The following PODXL variants were observed in gnomAD, a reference collection of about 807,000 sequenced individuals.
PODXL encodes the protein podocalyxin like, also known as podocalyxin.
PODXL carries 20 observed loss-of-function variants against 48.9 expected under a neutral mutation model. The observed-to-expected ratio is 0.41, with a 90% CI of 0.29 to 0.59. PODXL has a LOEUF of 0.59. Ranked by LOEUF, PODXL falls within the 20% of genes least tolerant of loss-of-function variation. The pLI, the probability that PODXL is intolerant of heterozygous loss-of-function variation, is 0.31. For missense variants in PODXL, 606 were observed against 675.1 expected, an observed-to-expected ratio of 0.90 and a Z score of 1.13; for synonymous variants, 295 against 287.4, an observed-to-expected ratio of 1.03 and a Z score of -0.27.
chr7:131,526,739 C>CTTTTT (rs57935236), intron 1 of PODXL, among the ~76,000 whole-genome samples: 7,136 of 90,318 alleles, frequency 0.079, 896 homozygotes, highest in African/African-American at 0.11. Flanking sequence ...CTTCCTTACT[C>CTTTTT]TTTTTTTTTT....
intron 5 of PODXL, chr7:131,506,953 C>G: frequency 1.7e-6 from 1 of 579,306 alleles, no homozygotes; most frequent in Non-Finnish European, 3.1e-6. Context: ...TCAGCCCGTT[C>G]TCCGCACTGT....
At chr7:131,512,043 A>G (rs1797922012) in intron 1 of PODXL, among the ~76,000 whole-genome samples, 1 of 152,230 alleles carries the variant, frequency 6.6e-6, no homozygotes, top group Non-Finnish European at 1.5e-5. Flanking sequence ...TCTGAGCTTA[A>G]GCAAAAAAGA....
intron 1 of PODXL, among the ~76,000 whole-genome samples, chr7:131,550,152 G>A (rs1798646644): frequency 6.6e-6 from 1 of 152,218 alleles, no homozygotes; most frequent in Non-Finnish European, 1.5e-5. Context: ...AAATGACAGG[G>A]GGTCCTCAGC....
chr7:131,542,620 G>C (rs1209595770), intron 1 of PODXL, among the ~76,000 whole-genome samples: 1 of 152,174 alleles, frequency 6.6e-6, no homozygotes. Context: ...TTGTGCCACT[G>C]TACTCCAGCC....
At chr7:131,555,528 G>GAAGTTCCCGTTTGAAC (rs893359211) in intron 1 of PODXL, among the ~76,000 whole-genome samples, 2 of 152,308 alleles carry the variant, frequency 1.3e-5, no homozygotes, top group African/African-American at 4.8e-5. Context: ...CTACGAGAGA[G>GAAGTTCCCGTTTGAAC]AAGTTCCCGT....
chr7:131,511,484 C>T lies in PODXL; in HGVS notation c.101-51G>A, dbSNP rs759119006. 3.8e-6 allele frequency: 6 copies of T among 1,571,798 alleles called. No individual in the cohort carries two copies. In the East Asian group the frequency reaches 1.3e-4, roughly 35 times the overall value. On this transcript the variant is annotated intron_variant, in intron 1 of 8. Coordinates refer to ENST00000378555, the MANE Select transcript of PODXL (RefSeq NM_001018111.3). ...GAGTTAGGGCTGGGAGGCTTCCTCA[C>T]CACGCTTCTCCAGCTCTTCCCCAGG...
chr7:131,515,123 A>G (rs948610165), intron 1 of PODXL, among the ~76,000 whole-genome samples: 1 of 152,162 alleles, frequency 6.6e-6, no homozygotes, highest in Admixed American at 6.5e-5. Context: ...ATGTCTCCAG[A>G]TATTGCCAAA....
intron 1 of PODXL, among the ~76,000 whole-genome samples, chr7:131,528,236 C>T (rs1328434091): frequency 1.3e-5 from 2 of 152,172 alleles, no homozygotes; most frequent in Non-Finnish European, 2.9e-5. Context: ...AAAATGGATA[C>T]AGTCATAACT....
At position 131,510,285 on chromosome 7, in the gene PODXL, C is replaced by T. The variant is rs750145167; in HGVS notation, c.753G>A (p.Leu251=). 13 of 384,684 alleles carry T rather than the reference C, an allele frequency of 3.4e-5. No individual in the cohort carries two copies. The highest frequency in any genetic ancestry group is 6.6e-5 in the Non-Finnish European group (13 of 197,654). The allele number at this position is 384,684 out of a possible 1,614,324, so 23.8% of individuals were successfully genotyped here. ...CCAAGGTGGGCAGATCACCCGAGGT[C>T]AGGAGTTCAAGACCAGCCTGGCTGA... The part of the protein sequence containing the change: ...HHVSQAGLEL[L]TSGDLPTLAS... The change falls in exon 3 of 9, where the codon CTG becomes CTA. Residue 251 remains leucine, a synonymous_variant. Coordinates refer to ENST00000378555, the MANE Select transcript of PODXL (RefSeq NM_001018111.3).
At chr7:131,528,700 G>T (rs955118591) in intron 1 of PODXL, among the ~76,000 whole-genome samples, 1 of 152,192 alleles carries the variant, frequency 6.6e-6, no homozygotes, top group Admixed American at 6.5e-5. Flanking sequence ...TTACTGTAGC[G>T]ATGTTCAGCT....
chr7:131,509,360 G>GT lies in PODXL; in HGVS notation c.1023+4dup. The GT allele has an allele frequency of 6.2e-7, 1 of 1,610,516 alleles. No homozygotes were observed. Among genetic ancestry groups the GT allele is most frequent in the African/African-American group, 1.3e-5 (1 of 74,980 alleles). On this transcript the variant is annotated splice_donor_region_variant and intron_variant, in intron 4 of 8. Coordinates refer to ENST00000378555, the MANE Select transcript of PODXL (RefSeq NM_001018111.3). The stretch of plus-strand genomic sequence containing the variant: ...TCCTACTTGCCCCACCCCTGCTGGA[G>GT]TTACCCAGTTACTCTCATGAGCCAC...
At chr7:131,510,494 A>G (rs1584810174) in intron 2 of PODXL, among the ~76,000 whole-genome samples, 163 bp from the exon 3 acceptor site, 2 of 151,404 alleles carry the variant, frequency 1.3e-5, no homozygotes, top group East Asian at 3.9e-4. Flanking sequence ...TGGGTGACAG[A>G]GCGAGACTCC....
intron 1 of PODXL, among the ~76,000 whole-genome samples, chr7:131,514,509 T>C (rs187777974): frequency 6.6e-6 from 1 of 152,180 alleles, no homozygotes; most frequent in East Asian, 1.9e-4. Context: ...TGCTTCTTAC[T>C]ATTGATGGCA....
In PODXL at chr7:131,523,526, C is replaced by T. The variant is rs575883416; in HGVS notation, c.101-12093G>A. 2.6e-5 allele frequency among the ~76,000 whole-genome samples: 4 copies of T among 151,320 alleles called. No homozygotes were observed. The South Asian group carries it at 6.3e-4, about 24-fold the overall frequency. ...TGAAACCCTGTCTCTACTAAAAATA[C>T]AAAAAATTAGCCGGGCTTGGTGGCG... On this transcript the variant is annotated intron_variant, in intron 1 of 8. Transcript: ENST00000378555.
At position 131,509,462 on chromosome 7, in the gene PODXL, G is replaced by A. The variant is rs956349496; in HGVS notation, c.926C>T (p.Thr309Ile). ...GCTGGAGCTCATGGTCTCTGGCAGG[G>A]TAGGTGTTCTCAATGCCGTTGCCGG... is the stretch of plus-strand genomic sequence containing the variant. ...TSPATALRTPTLPETMSSSPT... is the reference protein window; with the variant it reads ...TSPATALRTPILPETMSSSPT... Residue 309 changes from threonine to isoleucine, a missense_variant, in exon 4 of 9, where the codon ACC (threonine) becomes ATC (isoleucine). Thr to Ile is a moderately conservative substitution (Grantham distance 89, BLOSUM62 -1). Coordinates refer to ENST00000378555, the MANE Select transcript of PODXL (RefSeq NM_001018111.3). The A allele has an allele frequency of 1.9e-6, 3 of 1,614,094 alleles. No individual in the cohort carries two copies. Among genetic ancestry groups the A allele is most frequent in the South Asian group, 1.1e-5 (1 of 91,064 alleles).
chr7:131,525,262 G>A (rs925558137), intron 1 of PODXL, among the ~76,000 whole-genome samples: 9 of 151,980 alleles, frequency 5.9e-5, no homozygotes, highest in African/African-American at 2.2e-4. Context: ...AGGATGTAAT[G>A]GAGACTATGA....
At chr7:131,516,736 C>CTCTTT (rs377234869) in intron 1 of PODXL, among the ~76,000 whole-genome samples, 1 of 125,640 alleles carries the variant, frequency 8.0e-6, no homozygotes, top group Non-Finnish European at 1.6e-5. Flanking sequence ...TTTTTTTTCT[C>CTCTTT]TTTTTTTTTT....
At chr7:131,506,183 CAGAG>C (rs1175853613) in intron 7 of PODXL, 73 bp downstream of exon 7, 12 of 1,572,796 alleles carry the variant, frequency 7.6e-6, no homozygotes, top group African/African-American at 5.4e-5. Context: ...TTCCTCCCCA[CAGAG>C]AGAGGGGAGT....
In PODXL at chr7:131,523,767, ATTTT is replaced by A. The variant is rs1278451856; in HGVS notation, c.101-12338_101-12335del. Among the ~76,000 whole-genome samples the A allele has an allele frequency of 3.3e-5, 5 of 150,748 alleles. No homozygotes were observed. The East Asian group carries it at 9.8e-4, about 30-fold the overall frequency. On this transcript the variant is annotated intron_variant, in intron 1 of 8. Coordinates refer to ENST00000378555, the MANE Select transcript of PODXL (RefSeq NM_001018111.3). ...AGACTCCTCAACTCCATACAAGATT[ATTTT>A]TATATTTGCAGAAAAATCATCTAAC...
Sources: allele counts gnomAD v4.1 joint callset (sites outside exome capture counted in the v4.1 genomes callset), GRCh38; gene constraint gnomAD v4.1.1; transcripts MANE v1.5; gene names NCBI Gene and HGNC (gene_info 2026-07-23, HGNC 2026-07-21).